NPHP4: variants seen among roughly 807,000 people sequenced by gnomAD.
NPHP4 encodes nephrocystin-4.
Under a neutral mutation model 155.8 loss-of-function variants are expected in NPHP4, and 151 were observed. That is an observed-to-expected ratio of 0.97 (90% CI 0.85 to 1.11). NPHP4 has a LOEUF of 1.11. NPHP4 is among the 50% of genes least tolerant of loss of function. The pLI is 0.00. For missense variants in NPHP4, 1,956 were observed against 1,925.7 expected (o/e 1.02, Z -0.29); for synonymous variants, 845 against 816.8 (o/e 1.03, Z -0.59).
chr1:5,867,786 G>A lies in NPHP4; in HGVS notation c.3426C>T (p.Ser1142=). ...GCAGGCGGATGGCCTTCTTCAGGAAGGAGAGCTCCGGGTGATAGAAGCGGA... is the reference window on the plus strand; with the variant it reads ...GCAGGCGGATGGCCTTCTTCAGGAAAGAGAGCTCCGGGTGATAGAAGCGGA... ...QVFRFYHPEL[S]FLKKAIRLPP... The change falls in exon 24 of 30, where the codon TCC becomes TCT. Residue 1142 remains serine, a synonymous_variant. Transcript: ENST00000378156. The surrounding 1 kb of genome is among the most constrained non-coding windows in gnomAD (Gnocchi z 4.1). 1.9e-6 allele frequency: 3 copies of A among 1,612,464 alleles called. No homozygotes were observed. In the East Asian group the frequency reaches 6.7e-5, roughly 36 times the overall value.
chr1:5,871,555 G>A (rs527894774), intron 23 of NPHP4, among the ~76,000 whole-genome samples: 1 of 152,348 alleles, frequency 6.6e-6, no homozygotes, highest in East Asian at 1.9e-4. Context: ...ATCACAGGAA[G>A]AATGACAGGA....
At chr1:5,966,537 G>A (rs957413391) in intron 5 of NPHP4, among the ~76,000 whole-genome samples, 6 of 152,146 alleles carry the variant, frequency 3.9e-5, no homozygotes, top group African/African-American at 1.4e-4. Context: ...CTGAGCCACC[G>A]TGTCTGGCCA....
In NPHP4 at chr1:5,887,890, A is replaced by T. The variant is rs61447465; in HGVS notation, c.2305-424T>A. ...CGAGGAATCCAGGACGGAAACCCCA[A>T]TGGGACTCCAGGAGGAAGACAGGCC... is the stretch of plus-strand genomic sequence containing the variant. On this transcript the variant is annotated intron_variant, in intron 17 of 29. Coordinates refer to ENST00000378156, the MANE Select transcript of NPHP4 (RefSeq NM_015102.5). Among the ~76,000 whole-genome samples, 347 of 152,290 alleles carry T rather than the reference A, an allele frequency of 2.3e-3. 4 individuals carry two copies. Among genetic ancestry groups the T allele is most frequent in the African/African-American group, 8.1e-3 (338 of 41,566 alleles).
chr1:5,887,440 A>AGCCG lies in NPHP4; in HGVS notation c.2327_2330dup (p.Val778GlyfsTer9). The AGCCG allele has an allele frequency of 6.2e-7, 1 of 1,613,262 alleles. No individual in the cohort carries two copies. The highest frequency in any genetic ancestry group is 1.1e-5 in the South Asian group (1 of 91,084). Reference sequence around the variant, plus strand: ...CCTCAAGCTCGTGGGAGGCCTGCACAGCCGGCCGGCCTTGGCGGAGGAGAT... The same window carrying AGCCG: ...CCTCAAGCTCGTGGGAGGCCTGCACAGCCGGCCGGCCGGCCTTGGCGGAGGAGAT... On this transcript the variant is annotated frameshift_variant, in exon 18 of 30. Coordinates refer to ENST00000378156, the MANE Select transcript of NPHP4 (RefSeq NM_015102.5). LOFTEE classifies it high-confidence loss of function.
chr1:5,927,779 C>G lies in NPHP4; in HGVS notation c.1311G>C (p.Gln437His), dbSNP rs779292899. 6.2e-7 allele frequency: 1 copy of G among 1,609,910 alleles called. No homozygotes were observed. The highest frequency in any genetic ancestry group is 1.1e-5 in the South Asian group (1 of 90,980). ...SASMSSEEVKQVESGTLRFQF... is the reference protein window; with the variant it reads ...SASMSSEEVKHVESGTLRFQF... ...GGAACCGGAGTGTACCCGACTCCAC[C>G]TGCTTCACCTGCAATGGACCAGAAG... The change falls in exon 11 of 30, where the codon CAG (glutamine) becomes CAC (histidine). Residue 437 changes from glutamine to histidine, a missense_variant. Gln to His is a conservative substitution (Grantham distance 24). Coordinates refer to ENST00000378156, the MANE Select transcript of NPHP4 (RefSeq NM_015102.5).
At chr1:5,874,444 A>C (rs768194119) in intron 22 of NPHP4, 27 bp downstream of exon 22, 1 of 1,492,716 alleles carries the variant, frequency 6.7e-7, no homozygotes, top group African/African-American at 1.4e-5. Flanking sequence ...GCCAAATGCA[A>C]CTTCCCTGTG....
chr1:5,973,321 G>C lies in NPHP4; in HGVS notation c.280-4062C>G, dbSNP rs569235258. Among the ~76,000 whole-genome samples the C allele has an allele frequency of 2.6e-5, 4 of 152,380 alleles. No individual in the cohort carries two copies. The South Asian group carries it at 8.3e-4, about 32-fold the overall frequency. ...ACTCCGACGCCCATGGCGAAAGCCA[G>C]TTCTCCCTCTGGCCTAAAGAGCAAC... On this transcript the variant is annotated intron_variant, in intron 3 of 29. Coordinates refer to ENST00000378156, the MANE Select transcript of NPHP4 (RefSeq NM_015102.5).
In NPHP4 at chr1:5,892,753, A is replaced by G. The variant is rs1644198454; in HGVS notation, c.2144-1725T>C. Among the ~76,000 whole-genome samples, 1 of 152,082 alleles carries G rather than the reference A, an allele frequency of 6.6e-6. No homozygotes were observed. The highest frequency in any genetic ancestry group is 2.1e-4 in the South Asian group (1 of 4,826). On this transcript the variant is annotated intron_variant, in intron 16 of 29. Transcript: ENST00000378156. This position sits in a 1 kb window ranked among gnomAD's most constrained non-coding sequence, Gnocchi z 4.5. ...TCCTCCGTGGCCACCCCTGAGGTCC[A>G]AGCTCCCCACAGTCCACCCTGTGTC...
At chr1:5,990,457 A>G (rs955691465) in intron 1 of NPHP4, among the ~76,000 whole-genome samples, 5 of 151,688 alleles carry the variant, frequency 3.3e-5, no homozygotes, top group African/African-American at 9.7e-5. Flanking sequence ...GAAAAAAAAA[A>G]AGAAGAAGAA....
chr1:5,868,830 A>C (rs1641599767), intron 23 of NPHP4, among the ~76,000 whole-genome samples: 1 of 146,240 alleles, frequency 6.8e-6, no homozygotes, highest in Non-Finnish European at 1.5e-5. Flanking sequence ...ACACATGCAC[A>C]CACGCACCCA....
intron 10 of NPHP4, among the ~76,000 whole-genome samples, chr1:5,929,071 G>A (rs1221901406): frequency 6.6e-6 from 1 of 152,164 alleles, no homozygotes; most frequent in Non-Finnish European, 1.5e-5. Context: ...AAACAATACT[G>A]TTTCTGTATT....
chr1:5,933,364 T>C lies in NPHP4; in HGVS notation c.1120-35A>G, dbSNP rs1396531117. ...AAACAAAGCACATCGGTGTATGAGT[T>C]ATCACAGAAGTCACCTGGAGAGGGG... is the stretch of plus-strand genomic sequence containing the variant. On this transcript the variant is annotated intron_variant, in intron 9 of 29. Transcript: ENST00000378156. 9.5e-6 allele frequency: 15 copies of C among 1,575,740 alleles called. 1 individual carries two copies. The Admixed American group carries it at 2.1e-4, about 22-fold the overall frequency.
At position 5,950,829 on chromosome 1, in the gene NPHP4, T is replaced by C. The variant is rs552550382; in HGVS notation, c.810+1871A>G. On this transcript the variant is annotated intron_variant, in intron 7 of 29. Coordinates refer to ENST00000378156, the MANE Select transcript of NPHP4 (RefSeq NM_015102.5). ...ATTCTACTAAAAGTCAGGATACACA[T>C]GGAAGAATGCTCAGCCCCAACCTGA... Among the ~76,000 whole-genome samples, 4 of 152,154 alleles carry C rather than the reference T, an allele frequency of 2.6e-5. No homozygotes were observed. The South Asian group carries it at 8.3e-4, about 32-fold the overall frequency.
intron 9 of NPHP4, among the ~76,000 whole-genome samples, chr1:5,945,903 TC>T (rs70977997): frequency 6.5e-4 from 99 of 151,280 alleles, no homozygotes; most frequent in Admixed American, 2.7e-3. Context: ...TCTGGCATTG[TC>T]CCCCCCCAGG....
At chr1:5,939,327 T>C (rs533857140) in intron 9 of NPHP4, among the ~76,000 whole-genome samples, 3 of 152,338 alleles carry the variant, frequency 2.0e-5, no homozygotes, top group South Asian at 4.1e-4. Context: ...AAAACAAGCA[T>C]CAACTTGACA....
chr1:5,877,385 C>T, intron 19 of NPHP4, 87 bp from the exon 20 acceptor site: 1 of 1,106,144 alleles, frequency 9.0e-7, no homozygotes, highest in Non-Finnish European at 1.3e-6. Flanking sequence ...CCAGGACCAC[C>T]TATATAGGGA....
intron 19 of NPHP4, chr1:5,879,633 C>T: frequency 1.9e-6 from 1 of 519,014 alleles, no homozygotes; most frequent in South Asian, 1.4e-5. Flanking sequence ...AGAGCCCAGC[C>T]TAGAGCACCA....
At chr1:5,901,527 A>C (rs1399048649) in intron 16 of NPHP4, among the ~76,000 whole-genome samples, 1 of 152,242 alleles carries the variant, frequency 6.6e-6, no homozygotes, top group Non-Finnish European at 1.5e-5. Context: ...TTGATTTTGG[A>C]GTTTCATTTC....
chr1:5,863,075 AGCT>A lies in NPHP4; in HGVS notation c.*187_*189del. On this transcript the variant is annotated 3_prime_UTR_variant, in exon 30 of 30. Coordinates refer to ENST00000378156, the MANE Select transcript of NPHP4 (RefSeq NM_015102.5). The stretch of plus-strand genomic sequence containing the variant: ...CCCAGGCCTGCTGGGTGTCAGCAGC[AGCT>A]AAGCTGGATGCAGGTACTACAAAAT... 1.6e-6 allele frequency: 1 copy of A among 627,034 alleles called. No homozygotes were observed. Among genetic ancestry groups the A allele is most frequent in the Non-Finnish European group, 2.8e-6 (1 of 352,062 alleles). 38.8% of individuals were successfully genotyped at this position (627,034 alleles called of 1,614,324 possible). A position where few individuals can be genotyped will look rare whatever the true frequency, so the allele number is the denominator to read the frequency against.
Sources: allele counts gnomAD v4.1 joint callset (sites outside exome capture counted in the v4.1 genomes callset), GRCh38; gene constraint gnomAD v4.1.1; non-coding constraint Gnocchi (gnomAD v3.1); transcripts MANE v1.5; gene names NCBI Gene and HGNC (gene_info 2026-07-23, HGNC 2026-07-21).